BICC1: variants seen among roughly 807,000 people sequenced by gnomAD.
The protein encoded by BICC1 is BicC family RNA binding protein 1.
A neutral mutation model predicts 111.0 loss-of-function variants in BICC1; 43 were observed. The ratio of observed to expected loss-of-function variants is 0.39; its 90% CI spans 0.30 to 0.50. The LOEUF is 0.50. Among genes scored for constraint, BICC1 ranks in the 20% least tolerant of loss-of-function variants. The probability of loss-of-function intolerance (pLI) is 0.88; values close to 1 mark genes in which losing one functional copy is unlikely to be tolerated. For missense variants in BICC1, 1,091 were observed against 1,203.2 expected (o/e 0.91, Z 1.38); for synonymous variants, 467 against 434.4 (o/e 1.07, Z -0.93).
chr10:58,691,007 A>T (rs1839891701), intron 2 of BICC1, among the ~76,000 whole-genome samples: 1 of 152,212 alleles, frequency 6.6e-6, no homozygotes, highest in South Asian at 2.1e-4. Flanking sequence ...GATAATCGAC[A>T]TAAGAAGGTG....
chr10:58,809,464 T>G (rs146688726), intron 17 of BICC1, among the ~76,000 whole-genome samples: 4,506 of 151,254 alleles, frequency 0.03, 144 homozygotes, highest in African/African-American at 0.072. Flanking sequence ...GGTCTCAAAC[T>G]GCTGGGCTCA....
chr10:58,530,062 G>A (rs768508911), intron 1 of BICC1, among the ~76,000 whole-genome samples: 1 of 151,730 alleles, frequency 6.6e-6, no homozygotes, highest in East Asian at 1.9e-4. Flanking sequence ...TTATGGGACT[G>A]CAGAATTAAA....
At chr10:58,733,383 A>T (rs1000982656) in intron 3 of BICC1, among the ~76,000 whole-genome samples, 1 of 152,368 alleles carries the variant, frequency 6.6e-6, no homozygotes, top group East Asian at 1.9e-4. Flanking sequence ...CTGTAAAAAA[A>T]GTATTCCTCT....
rs1201651719 is a variant in BICC1 at position 58,813,863 on chromosome 10, C to T, written c.2410C>T (p.Arg804Cys). The T allele has an allele frequency of 6.2e-6, 10 of 1,613,792 alleles. No individual in the cohort carries two copies. The highest frequency in any genetic ancestry group is 2.2e-5 in the East Asian group (1 of 44,874). The change falls in exon 18 of 21, where the codon CGT (arginine) becomes TGT (cysteine). Residue 804 changes from arginine (R) to cysteine (C), a missense_variant. Physicochemically the swap from Arg to Cys is radical, Grantham distance 180. This residue lies in a region of BICC1 where 231 missense variants were observed against 256.2 expected (regional missense o/e 0.90). Transcript: ENST00000373886. ...SSMSLSRSNS[R>C]EHLGGGSESD... ...CATGTCCCTTTCACGGTCCAACAGTCGTGAGCACTTGGGAGGTGGAAGCGA... is the reference window on the plus strand; with the variant it reads ...CATGTCCCTTTCACGGTCCAACAGTTGTGAGCACTTGGGAGGTGGAAGCGA...
chr10:58,610,038 T>C (rs535437717), intron 1 of BICC1, among the ~76,000 whole-genome samples: 1 of 152,182 alleles, frequency 6.6e-6, no homozygotes, highest in Non-Finnish European at 1.5e-5. Context: ...CATTGACATA[T>C]GTTAGGGTCA....
chr10:58,754,479 TA>T (rs1842083138), intron 3 of BICC1, among the ~76,000 whole-genome samples: 1 of 152,216 alleles, frequency 6.6e-6, no homozygotes, highest in African/African-American at 2.4e-5. Context: ...AGCACATTAT[TA>T]AGAAAATCCA....
chr10:58,733,309 G>A (rs544444682), intron 3 of BICC1, among the ~76,000 whole-genome samples: 7 of 152,314 alleles, frequency 4.6e-5, no homozygotes, highest in Admixed American at 1.3e-4. Flanking sequence ...GAATGGAAGC[G>A]TTTGTGATTA....
intron 2 of BICC1, among the ~76,000 whole-genome samples, chr10:58,628,078 T>G (rs1837684375): frequency 3.3e-5 from 5 of 152,172 alleles, no homozygotes; most frequent in Admixed American, 3.3e-4. Context: ...AATAAATGAC[T>G]GGGCAAGAAT....
At chr10:58,574,733 A>C (rs576471290) in intron 1 of BICC1, among the ~76,000 whole-genome samples, 3 of 152,198 alleles carry the variant, frequency 2.0e-5, no homozygotes, top group Non-Finnish European at 4.4e-5. Context: ...AAAATAACAT[A>C]AAACTTACTG....
chr10:58,557,476 A>G (rs1201764041), intron 1 of BICC1, among the ~76,000 whole-genome samples: 2 of 151,056 alleles, frequency 1.3e-5, no homozygotes, highest in Non-Finnish European at 1.5e-5. Context: ...TTCATTGGGA[A>G]CTCCAATTAC....
intron 3 of BICC1, among the ~76,000 whole-genome samples, chr10:58,727,860 T>G (rs940590783): frequency 1.3e-5 from 2 of 152,156 alleles, no homozygotes; most frequent in Non-Finnish European, 2.9e-5. Context: ...TCACACACAT[T>G]TTTAGTTTAC....
intron 1 of BICC1, among the ~76,000 whole-genome samples, chr10:58,589,949 A>T (rs1844555565): frequency 2.0e-5 from 3 of 151,904 alleles, no homozygotes; most frequent in South Asian, 2.1e-4. Flanking sequence ...AGGACCATAT[A>T]TGCACACCCC....
intron 3 of BICC1, among the ~76,000 whole-genome samples, chr10:58,740,550 G>A (rs1168616307): frequency 1.3e-5 from 2 of 152,214 alleles, no homozygotes; most frequent in East Asian, 1.9e-4. Context: ...GTATATATGT[G>A]TGTGTGTTTA....
chr10:58,617,360 T>C (rs1446568220), intron 1 of BICC1, among the ~76,000 whole-genome samples: 1 of 151,756 alleles, frequency 6.6e-6, no homozygotes, highest in Non-Finnish European at 1.5e-5. Context: ...ACAAGTCCCT[T>C]AGCAGCAGAG....
intron 2 of BICC1, among the ~76,000 whole-genome samples, chr10:58,632,205 A>G (rs901442641): frequency 6.6e-6 from 1 of 152,238 alleles, no homozygotes; most frequent in Non-Finnish European, 1.5e-5. Context: ...AAATTCCATG[A>G]GAATACTAAA....
intron 3 of BICC1, among the ~76,000 whole-genome samples, chr10:58,707,989 G>A (rs904306721): frequency 7.8e-5 from 11 of 140,788 alleles, no homozygotes; most frequent in East Asian, 2.2e-4. Context: ...GAGCCACCGC[G>A]CCTAGCCAGC....
chr10:58,800,865 A>G (rs938907478), intron 13 of BICC1, 25 bp from the exon 14 acceptor site: 21 of 1,568,616 alleles, frequency 1.3e-5, no homozygotes, highest in Non-Finnish European at 1.7e-5. Flanking sequence ...TAGGTGTTTC[A>G]CTTTTTTTTC....
At chr10:58,762,826 T>C (rs1842353794) in intron 3 of BICC1, among the ~76,000 whole-genome samples, 1 of 151,844 alleles carries the variant, frequency 6.6e-6, no homozygotes. Context: ...AAACAAAGAG[T>C]TCTCTCTCTC....
At chr10:58,780,142 T>C (rs1250475005) in intron 3 of BICC1, among the ~76,000 whole-genome samples, 1 of 152,168 alleles carries the variant, frequency 6.6e-6, no homozygotes, top group Admixed American at 6.6e-5. Context: ...TGGAAGAAAT[T>C]AACTTGAAAC....
Sources: allele counts gnomAD v4.1 joint callset (sites outside exome capture counted in the v4.1 genomes callset), GRCh38; gene constraint gnomAD v4.1.1; regional missense constraint gnomAD v4.1.1; transcripts MANE v1.5; gene names NCBI Gene and HGNC (gene_info 2026-07-23, HGNC 2026-07-21).